Variants in FBXL17 observed in about 807,000 individuals in gnomAD.
FBXL17 encodes F-box/LRR-repeat protein 17.
In FBXL17, 22 loss-of-function variants were observed where a neutral mutation model predicts 66.2. The ratio of observed to expected loss-of-function variants is 0.33; its 90% CI spans 0.24 to 0.47. The LOEUF (loss-of-function observed/expected upper bound fraction) is 0.47. FBXL17 is among the 20% of genes least tolerant of loss of function. The pLI, the probability that FBXL17 is intolerant of heterozygous loss-of-function variation, is 1.00. For synonymous variants in FBXL17, 474 were observed against 400.5 expected (o/e 1.18, Z -2.19); for missense variants, 878 against 948.2 (o/e 0.93, Z 0.97).
chr5:107,904,704 T>C (rs1749695753), intron 7 of FBXL17, among the ~76,000 whole-genome samples: 1 of 152,150 alleles, frequency 6.6e-6, no homozygotes, highest in South Asian at 2.1e-4. Context: ...TTCATGCTAA[T>C]AATAAAATGT....
At chr5:108,216,980 T>G (rs576291714) in intron 5 of FBXL17, among the ~76,000 whole-genome samples, 173 of 152,318 alleles carry the variant, frequency 1.1e-3, no homozygotes, top group Non-Finnish European at 7.1e-4. Context: ...TCTCCTTTTG[T>G]GGGCATGGGC....
At chr5:108,232,611 C>T (rs1252938637) in intron 4 of FBXL17, among the ~76,000 whole-genome samples, 3 of 151,064 alleles carry the variant, frequency 2.0e-5, no homozygotes, top group Non-Finnish European at 2.9e-5. Context: ...CAAGACAGGC[C>T]TAGCGTCCCA....
intron 4 of FBXL17, among the ~76,000 whole-genome samples, chr5:108,346,372 TATAAC>T (rs998969183): frequency 6.6e-6 from 1 of 152,008 alleles, no homozygotes; most frequent in African/African-American, 2.4e-5. Context: ...CATTTACGTA[TATAAC>T]ATATTTTTAA....
intron 2 of FBXL17, among the ~76,000 whole-genome samples, chr5:108,365,777 T>C (rs1748621280): frequency 6.6e-6 from 1 of 152,164 alleles, no homozygotes; most frequent in African/African-American, 2.4e-5. Flanking sequence ...TTGAACTGAA[T>C]TGTTGTACAT....
At chr5:108,193,964 C>A (rs1753574099) in intron 5 of FBXL17, among the ~76,000 whole-genome samples, 1 of 152,052 alleles carries the variant, frequency 6.6e-6, no homozygotes. Context: ...ATTTTACGGC[C>A]CGCTTCTCCT....
intron 7 of FBXL17, among the ~76,000 whole-genome samples, chr5:107,987,232 A>G (rs553872708): frequency 1.1e-4 from 17 of 150,460 alleles, no homozygotes; most frequent in Non-Finnish European, 1.5e-4. Flanking sequence ...TCTAATTGAT[A>G]TGCAAAAACC....
chr5:107,902,736 GTTC>G (rs1329526397), intron 7 of FBXL17, among the ~76,000 whole-genome samples: 3 of 151,760 alleles, frequency 2.0e-5, no homozygotes, highest in Non-Finnish European at 4.4e-5. Flanking sequence ...TTTTTTAAAA[GTTC>G]TTATTATGGA....
chr5:108,095,738 T>A (rs1374595308), intron 6 of FBXL17, among the ~76,000 whole-genome samples: 1 of 152,110 alleles, frequency 6.6e-6, no homozygotes, highest in East Asian at 1.9e-4. Flanking sequence ...TAATAAGAAC[T>A]AATATGATGA....
chr5:107,910,066 A>G (rs893519064), intron 7 of FBXL17, among the ~76,000 whole-genome samples: 4 of 151,222 alleles, frequency 2.6e-5, no homozygotes, highest in Non-Finnish European at 4.4e-5. Flanking sequence ...AGCCACTCAA[A>G]TAAATGCAAC....
Position 107,861,495 on chromosome 5 carries a change from TG to T in FBXL17, c.*224del, listed in dbSNP as rs1748121286. The T allele has an allele frequency of 2.8e-6, 1 of 358,168 alleles. No individual in the cohort carries two copies. The allele number at this position is 358,168 out of a possible 1,614,324, so 22.2% of individuals were successfully genotyped here. ...CTTTGAAGTTAAAAACTAAAAAGTT[TG>T]TGGCTTTCATAATCTTTAATTTCTA... On this transcript the variant is annotated 3_prime_UTR_variant, in exon 9 of 9. Coordinates refer to ENST00000542267, the MANE Select transcript of FBXL17 (RefSeq NM_001163315.3).
At chr5:108,331,825 G>GA (rs562376141) in intron 4 of FBXL17, among the ~76,000 whole-genome samples, 1 of 150,770 alleles carries the variant, frequency 6.6e-6, no homozygotes, top group Admixed American at 6.6e-5. Flanking sequence ...AATCAAAACT[G>GA]AAAAAAAAGA....
intron 6 of FBXL17, among the ~76,000 whole-genome samples, chr5:108,108,493 GGTTT>G (rs1749899325): frequency 6.6e-6 from 1 of 152,140 alleles, no homozygotes; most frequent in Non-Finnish European, 1.5e-5. Context: ...CACGTTTAAA[GGTTT>G]GATAGATTCA....
chr5:107,999,876 A>AT, intron 7 of FBXL17, among the ~76,000 whole-genome samples: 1 of 152,332 alleles, frequency 6.6e-6, no homozygotes, highest in South Asian at 2.1e-4. Context: ...AGATGCATTC[A>AT]TATACCACAT....
At chr5:108,126,106 T>C (rs1016410726) in intron 6 of FBXL17, among the ~76,000 whole-genome samples, 3 of 152,220 alleles carry the variant, frequency 2.0e-5, no homozygotes, top group Admixed American at 6.5e-5. Flanking sequence ...CAGAGGCAAG[T>C]AGTTTCTGGC....
At chr5:108,255,129 CACAT>C (rs1351063233) in intron 4 of FBXL17, among the ~76,000 whole-genome samples, 1 of 152,076 alleles carries the variant, frequency 6.6e-6, no homozygotes, top group Non-Finnish European at 1.5e-5. Context: ...CATACATACA[CACAT>C]AATTTGTCGT....
intron 6 of FBXL17, among the ~76,000 whole-genome samples, chr5:108,121,365 CA>C (rs1750490561): frequency 6.6e-6 from 1 of 151,770 alleles, no homozygotes; most frequent in African/African-American, 2.4e-5. Context: ...TGTTTTTTGG[CA>C]ATGGAATACA....
At chr5:107,884,862 G>T (rs960112546) in intron 7 of FBXL17, among the ~76,000 whole-genome samples, 1 of 152,124 alleles carries the variant, frequency 6.6e-6, no homozygotes, top group South Asian at 2.1e-4. Flanking sequence ...TAAATGTCAT[G>T]ATTTATTTGA....
intron 4 of FBXL17, among the ~76,000 whole-genome samples, chr5:108,286,257 C>T (rs1561507613): frequency 6.6e-6 from 1 of 151,894 alleles, no homozygotes; most frequent in East Asian, 1.9e-4. Context: ...TCTCTCACTA[C>T]TCATATTCAA....
intron 4 of FBXL17, among the ~76,000 whole-genome samples, chr5:108,231,893 G>A (rs1367351940): frequency 6.6e-6 from 1 of 152,128 alleles, no homozygotes; most frequent in East Asian, 1.9e-4. Context: ...AGGTCGATGG[G>A]AAACTACAAC....
Sources: allele counts gnomAD v4.1 joint callset (sites outside exome capture counted in the v4.1 genomes callset), GRCh38; gene constraint gnomAD v4.1.1; transcripts MANE v1.5; gene names NCBI Gene and HGNC (gene_info 2026-07-23, HGNC 2026-07-21).